The following SAMD12 variants were observed in gnomAD, a reference collection of about 807,000 sequenced individuals.
SAMD12 encodes sterile alpha motif domain containing 12.
In SAMD12, 9 loss-of-function variants were observed where a neutral mutation model predicts 15.0. That is an observed-to-expected ratio of 0.60 (90% CI 0.36 to 1.05). The LOEUF is 1.05. Among genes scored for constraint, SAMD12 ranks in the 50% least tolerant of loss-of-function variants. The pLI, the probability that SAMD12 is intolerant of heterozygous loss-of-function variation, is 0.01. For missense variants in SAMD12, 230 were observed against 234.2 expected (o/e 0.98, Z 0.12); for synonymous variants, 86 against 90.1 (o/e 0.96, Z 0.25).
intron 3 of SAMD12, among the ~76,000 whole-genome samples, chr8:118,396,113 A>G (rs1820552408): frequency 6.6e-6 from 1 of 152,098 alleles, no homozygotes; most frequent in Non-Finnish European, 1.5e-5. Flanking sequence ...TTAATTATGT[A>G]TTGTTTCGTG....
At chr8:118,270,866 TAACA>T (rs1813339336) in intron 4 of SAMD12, among the ~76,000 whole-genome samples, 1 of 152,038 alleles carries the variant, frequency 6.6e-6, no homozygotes, top group Admixed American at 6.6e-5. Context: ...AATGAATAAA[TAACA>T]AACAAGCATA....
chr8:118,137,445 A>G, the SAMD12 span, among the ~76,000 whole-genome samples: 1 of 152,100 alleles, frequency 6.6e-6, no homozygotes, highest in East Asian at 1.9e-4. Flanking sequence ...TTAGGCATGG[A>G]AAGTTGGGGT....
At chr8:118,419,547 G>A (rs553353910) in intron 3 of SAMD12, among the ~76,000 whole-genome samples, 1 of 152,284 alleles carries the variant, frequency 6.6e-6, no homozygotes, top group South Asian at 2.1e-4. Context: ...ATATTCTACA[G>A]TGGTACCGTT....
intron 1 of SAMD12, among the ~76,000 whole-genome samples, chr8:118,584,196 C>T (rs889858105): frequency 6.6e-6 from 1 of 152,204 alleles, no homozygotes; most frequent in Non-Finnish European, 1.5e-5. Flanking sequence ...CCACTGCAAA[C>T]TCCCCAGTAG....
At chr8:118,272,647 C>G (rs1164912100) in intron 4 of SAMD12, among the ~76,000 whole-genome samples, 3 of 152,140 alleles carry the variant, frequency 2.0e-5, no homozygotes, top group African/African-American at 7.2e-5. Context: ...ATTTCTTTTG[C>G]CAGATACCCT....
intron 2 of SAMD12, among the ~76,000 whole-genome samples, chr8:118,497,361 C>T (rs1824644777): frequency 1.3e-5 from 2 of 152,170 alleles, no homozygotes; most frequent in Admixed American, 6.5e-5. Flanking sequence ...AAATGTGGTA[C>T]ATACACATCA....
At chr8:118,508,985 A>C (rs1825000978) in intron 2 of SAMD12, among the ~76,000 whole-genome samples, 1 of 152,142 alleles carries the variant, frequency 6.6e-6, no homozygotes, top group African/African-American at 2.4e-5. Flanking sequence ...TCATATTCTT[A>C]ATAACACTCT....
At chr8:118,366,433 T>C (rs1440946892) in intron 4 of SAMD12, among the ~76,000 whole-genome samples, 1 of 152,202 alleles carries the variant, frequency 6.6e-6, no homozygotes, top group Non-Finnish European at 1.5e-5. Flanking sequence ...ACATACAGCA[T>C]ATAAATAGTA....
intron 2 of SAMD12, among the ~76,000 whole-genome samples, chr8:118,469,516 A>ATT (rs1491469424): frequency 8.6e-3 from 2 of 232 alleles, no homozygotes; most frequent in African/African-American, 0.015. Context: ...TATAATATAT[A>ATT]ATATATATAA....
intron 3 of SAMD12, among the ~76,000 whole-genome samples, chr8:118,417,565 C>A (rs1170283720): frequency 6.6e-6 from 1 of 151,992 alleles, no homozygotes. Flanking sequence ...AAATTAGCAA[C>A]TTATAATAAA....
chr8:118,252,555 G>C (rs1168340102), intron 4 of SAMD12, among the ~76,000 whole-genome samples: 1 of 152,080 alleles, frequency 6.6e-6, no homozygotes, highest in East Asian at 1.9e-4. Context: ...GCCTTTGTTT[G>C]CTTGTTTCAT....
chr8:118,482,555 T>C (rs1563887038), intron 2 of SAMD12, among the ~76,000 whole-genome samples: 2 of 152,216 alleles, frequency 1.3e-5, no homozygotes, highest in Admixed American at 1.3e-4. Context: ...CAACTATTTA[T>C]ACACCACTTA....
intron 2 of SAMD12, among the ~76,000 whole-genome samples, chr8:118,565,490 C>A (rs781120735): frequency 5.3e-5 from 8 of 152,162 alleles, no homozygotes; most frequent in Non-Finnish European, 1.0e-4. Flanking sequence ...ATGCCACCAC[C>A]TCCTAGAGAC....
intron 3 of SAMD12, among the ~76,000 whole-genome samples, chr8:118,404,997 G>A (rs1821058163): frequency 6.6e-6 from 1 of 151,960 alleles, no homozygotes; most frequent in South Asian, 2.1e-4. Flanking sequence ...TCCTGAACCT[G>A]TACTTTCTTT....
intron 4 of SAMD12, among the ~76,000 whole-genome samples, chr8:118,242,825 A>G (rs1259228832): frequency 6.6e-6 from 1 of 152,200 alleles, no homozygotes; most frequent in Non-Finnish European, 1.5e-5. Context: ...GTCCCTGATT[A>G]TCAGAAAATG....
intron 2 of SAMD12, among the ~76,000 whole-genome samples, chr8:118,517,274 A>G (rs1293807016): frequency 2.6e-5 from 4 of 152,206 alleles, no homozygotes; most frequent in Admixed American, 2.6e-4. Flanking sequence ...GACAGATTAC[A>G]TCAGTGCTCT....
Position 118,445,353 on chromosome 8 carries a change from G to C in SAMD12, c.193-5392C>G, listed in dbSNP as rs545720322. ...CACCTTAATCCTTTCATGGAAAGAG[G>C]TGGTTAGAAAATTTTAAAAACATAT... On this transcript the variant is annotated intron_variant, in intron 2 of 3. Coordinates refer to ENST00000314727, the MANE Select transcript of SAMD12 (RefSeq NM_207506.3). Among the ~76,000 whole-genome samples, 94 of 152,248 alleles carry C rather than the reference G, an allele frequency of 6.2e-4. 3 individuals are homozygous for C. In the South Asian group the frequency reaches 0.019, roughly 31 times the overall value.
chr8:118,412,537 G>A (rs181955997), intron 3 of SAMD12, among the ~76,000 whole-genome samples: 1 of 152,266 alleles, frequency 6.6e-6, no homozygotes, highest in Admixed American at 6.5e-5. Context: ...TCTCCTGGAA[G>A]TCGGGAGCAT....
chr8:118,206,845 C>T (rs1014285877), intron 4 of SAMD12, among the ~76,000 whole-genome samples: 3 of 152,184 alleles, frequency 2.0e-5, no homozygotes, highest in Non-Finnish European at 2.9e-5. Context: ...CTGAGGACCT[C>T]TCTGTAAGCA....
Sources: allele counts gnomAD v4.1 joint callset (sites outside exome capture counted in the v4.1 genomes callset), GRCh38; gene constraint gnomAD v4.1.1; transcripts MANE v1.5; gene names NCBI Gene and HGNC (gene_info 2026-07-23, HGNC 2026-07-21).